CTNNA2: variants seen among roughly 807,000 people sequenced by gnomAD.
CTNNA2 encodes the protein catenin alpha 2.
Under a neutral mutation model 101.0 loss-of-function variants are expected in CTNNA2, and 42 were observed. The observed-to-expected ratio is 0.42, with a 90% CI of 0.32 to 0.54. The LOEUF is 0.54. Ranked by LOEUF, CTNNA2 falls within the 20% of genes least tolerant of loss-of-function variation. The pLI is 0.14. For synonymous variants in CTNNA2, 450 were observed against 456.4 expected (o/e 0.99, Z 0.18); for missense variants, 871 against 1,223.1 (o/e 0.71, Z 4.29).
At chr2:79,987,985 G>A (rs906722639) in intron 7 of CTNNA2, among the ~76,000 whole-genome samples, 1 of 152,182 alleles carries the variant, frequency 6.6e-6, no homozygotes, top group Non-Finnish European at 1.5e-5. Flanking sequence ...GTGGTTTAAG[G>A]GAAGTTGGGA....
intron 4 of CTNNA2, among the ~76,000 whole-genome samples, chr2:79,456,558 T>C (rs1670824915): frequency 6.6e-6 from 1 of 152,244 alleles, no homozygotes; most frequent in Non-Finnish European, 1.5e-5. Context: ...TTGAGAAAGC[T>C]TTGAATTTCT....
intron 7 of CTNNA2, among the ~76,000 whole-genome samples, chr2:80,314,470 A>C (rs1014702925): frequency 5.3e-5 from 8 of 152,152 alleles, no homozygotes; most frequent in African/African-American, 1.9e-4. Context: ...AAAATTAGGA[A>C]ACACTCCCCT....
chr2:80,645,962 T>TTTGA (rs1379610631), intron 18 of CTNNA2, among the ~76,000 whole-genome samples: 3 of 152,134 alleles, frequency 2.0e-5, no homozygotes, highest in Non-Finnish European at 4.4e-5. Flanking sequence ...ATTGAGCTCA[T>TTTGA]TTGATTGACA....
chr2:80,083,774 G>A (rs1278276650), intron 7 of CTNNA2, among the ~76,000 whole-genome samples: 1 of 151,952 alleles, frequency 6.6e-6, no homozygotes, highest in Admixed American at 6.6e-5. Flanking sequence ...CTTTACCAAA[G>A]TCTACACTGT....
intron 4 of CTNNA2, among the ~76,000 whole-genome samples, chr2:79,473,930 A>G (rs1558676013): frequency 6.6e-6 from 1 of 152,112 alleles, no homozygotes; most frequent in Non-Finnish European, 1.5e-5. Context: ...TTTCTGTGCC[A>G]CCAATAAGAC....
At chr2:80,048,670 A>G (rs1174298070) in intron 7 of CTNNA2, among the ~76,000 whole-genome samples, 1 of 152,220 alleles carries the variant, frequency 6.6e-6, no homozygotes, top group Admixed American at 6.5e-5. Flanking sequence ...GAATCACACA[A>G]TGCAAATTGA....
At chr2:80,557,154 T>C (rs143039311) in intron 12 of CTNNA2, among the ~76,000 whole-genome samples, 21 of 152,328 alleles carry the variant, frequency 1.4e-4, no homozygotes, top group African/African-American at 4.6e-4. Context: ...ATCTAGAGAC[T>C]GTTGCCCTTG....
At chr2:79,273,027 A>G (rs1675124336) in intron 2 of CTNNA2, among the ~76,000 whole-genome samples, 1 of 152,092 alleles carries the variant, frequency 6.6e-6, no homozygotes, top group Non-Finnish European at 1.5e-5. Context: ...TAGCAGTGCC[A>G]TATCAAGGTA....
intron 3 of CTNNA2, among the ~76,000 whole-genome samples, chr2:79,754,693 T>C (rs2105049977): frequency 6.6e-6 from 1 of 152,240 alleles, no homozygotes; most frequent in Middle Eastern, 3.4e-3. Context: ...CCTGAATACT[T>C]GAGTCTCCTA....
chr2:79,439,331 G>T (rs192367953), intron 4 of CTNNA2, among the ~76,000 whole-genome samples: 2 of 152,162 alleles, frequency 1.3e-5, no homozygotes, highest in African/African-American at 4.8e-5. Context: ...CTCCCATATT[G>T]TATGATTTCA....
chr2:79,994,726 T>C (rs972367863), intron 7 of CTNNA2, among the ~76,000 whole-genome samples: 60 of 152,326 alleles, frequency 3.9e-4, no homozygotes, highest in African/African-American at 1.4e-3. Context: ...AAGCTTTTGG[T>C]ACATTTTCTA....
intron 9 of CTNNA2, among the ~76,000 whole-genome samples, chr2:80,427,896 A>G (rs1217853406): frequency 2.6e-5 from 4 of 152,244 alleles, no homozygotes; most frequent in African/African-American, 4.8e-5. Context: ...TCCTGCTCTC[A>G]TGGGACATGC....
chr2:79,352,384 A>G (rs1167540604), intron 3 of CTNNA2, among the ~76,000 whole-genome samples: 3 of 152,126 alleles, frequency 2.0e-5, no homozygotes, highest in Non-Finnish European at 4.4e-5. Context: ...AGGTCTTCAA[A>G]ATAGTCTCTG....
At chr2:80,116,753 T>C (rs1165141604) in intron 7 of CTNNA2, among the ~76,000 whole-genome samples, 1 of 152,140 alleles carries the variant, frequency 6.6e-6, no homozygotes, top group Non-Finnish European at 1.5e-5. Context: ...GCTACATTCA[T>C]GTGAGGAGAG....
intron 7 of CTNNA2, among the ~76,000 whole-genome samples, chr2:79,939,102 C>T (rs1235242766): frequency 6.6e-6 from 1 of 152,134 alleles, no homozygotes; most frequent in African/African-American, 2.4e-5. Flanking sequence ...ATTTTGAACA[C>T]AAAATGAAAT....
chr2:79,813,814 T>G (rs1222587178), intron 3 of CTNNA2, among the ~76,000 whole-genome samples: 1 of 152,196 alleles, frequency 6.6e-6, no homozygotes, highest in Non-Finnish European at 1.5e-5. Flanking sequence ...TTCCTAGAGT[T>G]TGCATGACAA....
At chr2:80,197,269 C>A (rs1003535782) in intron 7 of CTNNA2, among the ~76,000 whole-genome samples, 2 of 152,172 alleles carry the variant, frequency 1.3e-5, no homozygotes, top group African/African-American at 4.8e-5. Flanking sequence ...CAAATCTTAG[C>A]AAATTGATTC....
At chr2:79,684,653 C>CA (rs1237894224) in intron 2 of CTNNA2, among the ~76,000 whole-genome samples, 17 of 151,738 alleles carry the variant, frequency 1.1e-4, no homozygotes, top group African/African-American at 2.4e-4. Context: ...AAAACCAAAC[C>CA]CAAAAAAATG....
At chr2:80,467,203 C>T (rs982867987) in intron 9 of CTNNA2, among the ~76,000 whole-genome samples, 16 of 152,258 alleles carry the variant, frequency 1.1e-4, no homozygotes, top group South Asian at 8.3e-4. Context: ...ACATGCCACG[C>T]GCTTCCTCAC....
Sources: gnomAD v4.1 joint callset for allele counts (sites outside exome capture counted in the v4.1 genomes callset) on GRCh38, gnomAD v4.1.1 for gene constraint, MANE v1.5 for transcripts, NCBI Gene and HGNC (gene_info 2026-07-23, HGNC 2026-07-21) for gene names.